Variants in AHI1 observed in about 807,000 individuals in gnomAD.
AHI1 encodes jouberin.
AHI1 carries 123 observed loss-of-function variants against 149.3 expected under a neutral mutation model. The ratio of observed to expected loss-of-function variants is 0.82; its 90% CI spans 0.71 to 0.96. The LOEUF (loss-of-function observed/expected upper bound fraction) is 0.96, where lower values mean the gene tolerates loss of function less well. Among genes scored for constraint, AHI1 ranks in the 40% least tolerant of loss-of-function variants. The pLI is 0.00. For synonymous variants in AHI1, 475 were observed against 459.8 expected, an observed-to-expected ratio of 1.03 and a Z score of -0.42; for missense variants, 1,439 against 1,422.7, an observed-to-expected ratio of 1.01 and a Z score of -0.18.
chr6:135,494,057 T>C (rs1293022364), intron 3 of AHI1, among the ~76,000 whole-genome samples: 1 of 152,202 alleles, frequency 6.6e-6, no homozygotes, highest in African/African-American at 2.4e-5. Context: ...AAATAACTAA[T>C]GAAGAGGCAG....
At chr6:135,297,480 A>T (rs913434127) in intron 27 of AHI1, 2 of 456,088 alleles carry the variant, frequency 4.4e-6, no homozygotes, top group Non-Finnish European at 8.8e-6. Flanking sequence ...CTGCCTTCTC[A>T]TTCAGCTCTC....
At chr6:135,435,285 A>G (rs904910775) in intron 15 of AHI1, 1 of 152,178 alleles carries the variant, frequency 6.6e-6, no homozygotes, top group African/African-American at 2.4e-5. Flanking sequence ...AAAGATAAAT[A>G]AGGAAAAAAT....
intron 26 of AHI1, among the ~76,000 whole-genome samples, chr6:135,307,501 TCTTGTTTTTAAGTAGGGTAGTCTACAG>T (rs1391312652): frequency 1.3e-5 from 2 of 152,044 alleles, no homozygotes; most frequent in Non-Finnish European, 2.9e-5. Flanking sequence ...TATGTAAAAT[TCTTGTTTTTAAGTAGGGTAGTCTACAG>T]CTTGTTTTTA....
At chr6:135,399,292 T>C (rs938141110) in intron 22 of AHI1, among the ~76,000 whole-genome samples, 1 of 152,082 alleles carries the variant, frequency 6.6e-6, no homozygotes, top group Non-Finnish European at 1.5e-5. Context: ...CAACTAAAAC[T>C]CTCCCTCTGA....
chr6:135,467,965 A>C (rs58984521), intron 5 of AHI1, among the ~76,000 whole-genome samples: 200 of 152,318 alleles, frequency 1.3e-3, no homozygotes, highest in African/African-American at 4.4e-3. Flanking sequence ...AAAATAAAGA[A>C]ATGTGCCAGA....
intron 21 of AHI1, among the ~76,000 whole-genome samples, chr6:135,407,903 C>T (rs555651233): frequency 8.8e-4 from 134 of 151,854 alleles, no homozygotes; most frequent in Middle Eastern, 3.4e-3. Flanking sequence ...GGCGTGGTGG[C>T]GGGCACCTGT....
At chr6:135,460,482 TAG>T (rs1302012235) in intron 8 of AHI1, among the ~76,000 whole-genome samples, 2 of 152,142 alleles carry the variant, frequency 1.3e-5, no homozygotes, top group Non-Finnish European at 2.9e-5. Context: ...CAAGTCTCTT[TAG>T]AGAGTTGTTA....
chr6:135,364,181 G>A (rs1438047788), intron 23 of AHI1, among the ~76,000 whole-genome samples: 2 of 151,696 alleles, frequency 1.3e-5, no homozygotes, highest in East Asian at 2.0e-4. Context: ...CAGACAGGGC[G>A]GTTGCCAGGC....
In AHI1 at chr6:135,384,447, G is replaced by T. The variant is rs116603638; in HGVS notation, c.3109+10329C>A. On this transcript the variant is annotated intron_variant, in intron 23 of 28. Transcript: ENST00000265602. ...TAACTTGCTCAAGTCACAGCATTAA[G>T]CAACAGAATATGGATCTAAATACAA... 6.1e-3 allele frequency among the ~76,000 whole-genome samples: 936 copies of T among 152,222 alleles called. 3 individuals carry two copies. Among genetic ancestry groups the T allele is most frequent in the African/African-American group, 0.022 (895 of 41,522 alleles).
intron 5 of AHI1, 184 bp downstream of exon 5, chr6:135,490,439 G>T: frequency 1.4e-6 from 1 of 712,482 alleles, no homozygotes; most frequent in Non-Finnish European, 2.3e-6. Context: ...CAAGAATGAA[G>T]TCAATATTCT....
intron 23 of AHI1, among the ~76,000 whole-genome samples, chr6:135,391,426 G>A (rs1027045362): frequency 6.6e-6 from 1 of 152,126 alleles, no homozygotes; most frequent in African/African-American, 2.4e-5. Flanking sequence ...AGATCCCTAC[G>A]TGTGCCGTTC....
chr6:135,285,385 C>A lies in AHI1; in HGVS notation c.*260G>T, dbSNP rs1583490002. 1 of 520,254 alleles carries A rather than the reference C, an allele frequency of 1.9e-6. No individual in the cohort carries two copies. The highest frequency in any genetic ancestry group is 3.0e-5 in the East Asian group (1 of 33,034). 32.2% of individuals were successfully genotyped at this position (520,254 alleles called of 1,614,324 possible). On this transcript the variant is annotated 3_prime_UTR_variant, in exon 29 of 29. Transcript: ENST00000265602. ...CAACACTGGTAATGTAATTATGATG[C>A]AATTACTAACAATATAAGTACCAAT...
At chr6:135,295,452 A>G (rs1782961639) in intron 27 of AHI1, among the ~76,000 whole-genome samples, 1 of 152,224 alleles carries the variant, frequency 6.6e-6, no homozygotes, top group Non-Finnish European at 1.5e-5. Context: ...TGCCTCTTTC[A>G]GTGATATGAT....
intron 25 of AHI1, among the ~76,000 whole-genome samples, chr6:135,319,838 C>T (rs1233927214): frequency 6.6e-6 from 1 of 152,114 alleles, no homozygotes; most frequent in Non-Finnish European, 1.5e-5. Flanking sequence ...ATGGGGGAAG[C>T]TGATCATGTT....
chr6:135,460,126 T>C (rs1046429214), intron 8 of AHI1, among the ~76,000 whole-genome samples: 2 of 152,106 alleles, frequency 1.3e-5, no homozygotes, highest in African/African-American at 2.4e-5. Context: ...TAAGTTGCAG[T>C]GAGCTGAGAT....
intron 23 of AHI1, among the ~76,000 whole-genome samples, chr6:135,372,388 C>A (rs1215695634): frequency 6.6e-6 from 1 of 151,876 alleles, no homozygotes; most frequent in Non-Finnish European, 1.5e-5. Flanking sequence ...ATTAAGATTT[C>A]TTGCCAGGTG....
chr6:135,372,542 T>G (rs957268684), intron 23 of AHI1, among the ~76,000 whole-genome samples: 9 of 149,688 alleles, frequency 6.0e-5, no homozygotes, highest in Non-Finnish European at 1.2e-4. Context: ...AAAAAAAAAA[T>G]TAGCTGGATG....
intron 23 of AHI1, 114 bp from the exon 24 acceptor site, chr6:135,358,301 G>A: frequency 1.1e-6 from 1 of 901,730 alleles, no homozygotes. Flanking sequence ...CAGCTTCCAA[G>A]AAAAAAGTCT....
At chr6:135,379,170 C>T (rs1416189380) in intron 23 of AHI1, among the ~76,000 whole-genome samples, 1 of 152,162 alleles carries the variant, frequency 6.6e-6, no homozygotes, top group African/African-American at 2.4e-5. Context: ...ATCTTGTAGG[C>T]ATTTCAAACT....
Sources: allele counts gnomAD v4.1 joint callset (sites outside exome capture counted in the v4.1 genomes callset), GRCh38; gene constraint gnomAD v4.1.1; transcripts MANE v1.5; gene names NCBI Gene and HGNC (gene_info 2026-07-23, HGNC 2026-07-21).